SEC23B: variants seen among roughly 807,000 people sequenced by gnomAD.
SEC23B encodes the protein protein transport protein Sec23B.
Under a neutral mutation model 104.3 loss-of-function variants are expected in SEC23B, and 77 were observed. That is an observed-to-expected ratio of 0.74 (90% CI 0.61 to 0.89). SEC23B has a LOEUF of 0.89. Ranked by LOEUF, SEC23B falls within the 40% of genes least tolerant of loss-of-function variation. SEC23B has a pLI of 0.00. For missense variants in SEC23B, 885 were observed against 949.4 expected, an observed-to-expected ratio of 0.93 and a Z score of 0.89; for synonymous variants, 338 against 332.5, an observed-to-expected ratio of 1.02 and a Z score of -0.18.
rs1490148740 is a variant in SEC23B at position 18,551,081 on chromosome 20, T to C, written c.1906-8T>C. ...ACCAATGCCATCTTTCTCTCTCTTTTTCTTCAGCCAGTACTCTTGGATAGC... is the reference window on the plus strand; with the variant it reads ...ACCAATGCCATCTTTCTCTCTCTTTCTCTTCAGCCAGTACTCTTGGATAGC... On this transcript the variant is annotated splice_region_variant and splice_polypyrimidine_tract_variant and intron_variant, in intron 16 of 19. Coordinates refer to ENST00000650089, the MANE Select transcript of SEC23B (RefSeq NM_006363.6). 1 of 1,591,140 alleles carries C rather than the reference T, an allele frequency of 6.3e-7. No individual in the cohort carries two copies. Among genetic ancestry groups the C allele is most frequent in the African/African-American group, 1.3e-5 (1 of 74,564 alleles).
Position 18,548,769 on chromosome 20 carries a change from A to C in SEC23B, c.1904A>C (p.Glu635Ala), listed in dbSNP as rs753148320. ...TCTTACTCCTTTCATGGGCCACCAG[A>C]GGTGAGGCTCTACCCAAATGCTTTC... is the stretch of plus-strand genomic sequence containing the variant. ...LYSYSFHGPP[E>A]PVLLDSSSIL... The change falls in exon 16 of 20, where the codon GAG (glutamate) becomes GCG (alanine). Residue 635 changes from glutamate to alanine, a missense_variant and splice_region_variant. Glu to Ala is a moderately radical substitution (Grantham distance 107). Coordinates refer to ENST00000650089, the MANE Select transcript of SEC23B (RefSeq NM_006363.6). 1 of 1,614,090 alleles carries C rather than the reference A, an allele frequency of 6.2e-7. No homozygotes were observed. Among genetic ancestry groups the C allele is most frequent in the Non-Finnish European group, 8.5e-7 (1 of 1,179,966 alleles).
At chr20:18,514,529 T>A (rs1275164890) in intron 3 of SEC23B, among the ~76,000 whole-genome samples, 1 of 152,220 alleles carries the variant, frequency 6.6e-6, no homozygotes, top group Non-Finnish European at 1.5e-5. Flanking sequence ...TTGGTCACTC[T>A]GAGGTCACTG....
intron 12 of SEC23B, among the ~76,000 whole-genome samples, chr20:18,541,995 C>T (rs7263010): frequency 6.6e-6 from 1 of 152,322 alleles, no homozygotes; most frequent in South Asian, 2.1e-4. Context: ...GTTTGTGATT[C>T]ATCAATCCAT....
chr20:18,541,454 A>AT (rs2060287330), intron 12 of SEC23B, among the ~76,000 whole-genome samples: 1 of 152,216 alleles, frequency 6.6e-6, no homozygotes, highest in Non-Finnish European at 1.5e-5. Flanking sequence ...ACTAAGATTA[A>AT]TGAGTTTTAG....
intron 4 of SEC23B, among the ~76,000 whole-genome samples, chr20:18,520,833 T>G (rs1259535651): frequency 6.6e-6 from 1 of 151,958 alleles, no homozygotes; most frequent in African/African-American, 2.4e-5. Context: ...TCTAGGTGGC[T>G]TCTGAGGCGA....
chr20:18,529,135 T>C (rs1236301245), intron 9 of SEC23B, among the ~76,000 whole-genome samples: 2 of 152,184 alleles, frequency 1.3e-5, no homozygotes, highest in Non-Finnish European at 2.9e-5. Flanking sequence ...ATGATTGAAG[T>C]AGCTGGAAAA....
rs1308387090 is a variant in SEC23B at position 18,535,643 on chromosome 20, C to G, written c.1315-10C>G. 3 of 1,612,964 alleles carry G rather than the reference C, an allele frequency of 1.9e-6. No homozygotes were observed. Among genetic ancestry groups the G allele is most frequent in the Non-Finnish European group, 2.5e-6 (3 of 1,179,108 alleles). ...GGTTTTGTTTTTCAAATTCCTCTTC[C>G]CACCCCCAGGAGCTTGGTGTTGGTG... On this transcript the variant is annotated splice_polypyrimidine_tract_variant and intron_variant, in intron 11 of 19. Coordinates refer to ENST00000650089, the MANE Select transcript of SEC23B (RefSeq NM_006363.6).
chr20:18,511,978 T>C (rs775968733), intron 2 of SEC23B, among the ~76,000 whole-genome samples: 1 of 152,170 alleles, frequency 6.6e-6, no homozygotes, highest in Non-Finnish European at 1.5e-5. Context: ...ATTAGGAAAT[T>C]GGAAAAGAGA....
chr20:18,530,799 T>C lies in SEC23B; in HGVS notation c.1229T>C (p.Val410Ala). Residue 410 changes from valine to alanine, a missense_variant, in exon 10 of 20, where the codon GTA becomes GCA. Physicochemically the swap from Val to Ala is moderately conservative, Grantham distance 64 (BLOSUM62 0). Transcript: ENST00000650089. ...ATGGCATTTGGTGCTACTTTGGACG[T>C]AAAGGTACGGTAAACTTTTTTTTTT... ...FRMAFGATLD[V>A]KTSRELKIAG... is the part of the protein sequence containing the mutation. 6.2e-7 allele frequency: 1 copy of C among 1,604,162 alleles called. No individual in the cohort carries two copies. Among genetic ancestry groups the C allele is most frequent in the Non-Finnish European group, 8.5e-7 (1 of 1,174,700 alleles).
rs556572698 is a variant in SEC23B at position 18,531,194 on chromosome 20, G to T, written c.1233+391G>T. 2.0e-5 allele frequency among the ~76,000 whole-genome samples: 3 copies of T among 152,326 alleles called. No homozygotes were observed. In the East Asian group the frequency reaches 5.8e-4, roughly 29 times the overall value. ...CTCTGCTCCACCCTGCTTCAAGGCAGTAGGAGATAGAAGAGGAAGTAGGGT... is the reference window on the plus strand; with the variant it reads ...CTCTGCTCCACCCTGCTTCAAGGCATTAGGAGATAGAAGAGGAAGTAGGGT... On this transcript the variant is annotated intron_variant, in intron 10 of 19. Transcript: ENST00000650089.
chr20:18,527,171 C>T (rs2060141398), intron 8 of SEC23B, among the ~76,000 whole-genome samples: 1 of 152,068 alleles, frequency 6.6e-6, no homozygotes. Context: ...GAGCTGAGAT[C>T]GTGCCACTGC....
At chr20:18,523,243 A>G (rs1016565772) in intron 4 of SEC23B, among the ~76,000 whole-genome samples, 2 of 151,712 alleles carry the variant, frequency 1.3e-5, no homozygotes, top group Non-Finnish European at 2.9e-5. Context: ...ACTCTCCTCA[A>G]ATGTGCTAAC....
intron 19 of SEC23B, among the ~76,000 whole-genome samples, chr20:18,557,736 TTTTC>T (rs1457660237): frequency 1.5e-5 from 2 of 130,084 alleles, no homozygotes; most frequent in African/African-American, 5.4e-5. Flanking sequence ...TTTTTTTCTT[TTTTC>T]TTTTCTTTTT....
At position 18,554,242 on chromosome 20, in the gene SEC23B, C is replaced by T. The variant is rs1341743578; in HGVS notation, c.2000C>T (p.Ala667Val). 15 of 1,614,004 alleles carry T rather than the reference C, an allele frequency of 9.3e-6. No individual in the cohort carries two copies. Among genetic ancestry groups the T allele is most frequent in the Non-Finnish European group, 1.3e-5 (15 of 1,180,016 alleles). ...TGGTTTGTTTCTGTGTAGACCATAG[C>T]CCAGTGGCGTAAAGCTGGCTACCAG... Reference protein sequence around the residue: ...QIVIYLGETIAQWRKAGYQDM... With the variant: ...QIVIYLGETIVQWRKAGYQDM... The change falls in exon 18 of 20, where the codon GCC becomes GTC. Residue 667 changes from alanine (A) to valine (V), a missense_variant. Coordinates refer to ENST00000650089, the MANE Select transcript of SEC23B (RefSeq NM_006363.6).
chr20:18,528,176 C>G (rs907294003), intron 9 of SEC23B, among the ~76,000 whole-genome samples: 3 of 152,120 alleles, frequency 2.0e-5, no homozygotes, highest in African/African-American at 7.2e-5. Flanking sequence ...TAGGCCTTAC[C>G]CAGACCTCCT....
At chr20:18,510,157 G>T (rs1273164889) in intron 1 of SEC23B, among the ~76,000 whole-genome samples, 1 of 152,194 alleles carries the variant, frequency 6.6e-6, no homozygotes, top group African/African-American at 2.4e-5. Context: ...GGAGATTAGA[G>T]AGGAAGATAG....
intron 14 of SEC23B, among the ~76,000 whole-genome samples, chr20:18,544,272 A>G (rs971676176): frequency 1.3e-5 from 2 of 150,644 alleles, no homozygotes; most frequent in East Asian, 1.9e-4. Context: ...TCAGCCCTCT[A>G]TTTGCCCTTG....
chr20:18,522,698 A>G (rs2148895853), intron 4 of SEC23B, among the ~76,000 whole-genome samples: 1 of 151,682 alleles, frequency 6.6e-6, no homozygotes, highest in East Asian at 2.0e-4. Flanking sequence ...GTGAGCAACA[A>G]GCTGTTATTT....
chr20:18,558,465 A>G (rs2060461439), intron 19 of SEC23B, among the ~76,000 whole-genome samples: 1 of 152,214 alleles, frequency 6.6e-6, no homozygotes. Context: ...CTTGCCAAAT[A>G]GGAAAGTTTT....
Sources: gnomAD v4.1 joint callset for allele counts (sites outside exome capture counted in the v4.1 genomes callset) on GRCh38, gnomAD v4.1.1 for gene constraint, MANE v1.5 for transcripts, NCBI Gene and HGNC (gene_info 2026-07-23, HGNC 2026-07-21) for gene names.